Variants in CNTNAP2 observed in about 807,000 individuals in gnomAD.
The protein encoded by CNTNAP2 is contactin associated protein 2, also known as contactin-associated protein-like 2.
Under a neutral mutation model 155.2 loss-of-function variants are expected in CNTNAP2, and 98 were observed. The observed-to-expected ratio is 0.63, with a 90% confidence interval of 0.54 to 0.75. The LOEUF is 0.75. CNTNAP2 is among the 30% of genes least tolerant of loss of function. The probability of loss-of-function intolerance (pLI) is 0.00; values close to 1 mark genes in which losing one functional copy is unlikely to be tolerated. For missense variants in CNTNAP2, 1,727 were observed against 1,688.1 expected (o/e 1.02, Z -0.40); for synonymous variants, 651 against 631.2 (o/e 1.03, Z -0.47).
intron 2 of CNTNAP2, among the ~76,000 whole-genome samples, chr7:146,787,466 A>ACAGCTCTTAGG (rs1802594291): frequency 6.6e-6 from 1 of 151,980 alleles, no homozygotes; most frequent in Admixed American, 6.5e-5. Flanking sequence ...TTGCGGTGTT[A>ACAGCTCTTAGG]CAGCTCTTAA....
chr7:147,677,418 C>T (rs1795886749), intron 13 of CNTNAP2, among the ~76,000 whole-genome samples: 1 of 151,714 alleles, frequency 6.6e-6, no homozygotes, highest in South Asian at 2.1e-4. Context: ...ATATAAACCC[C>T]TTATCAGATG....
At chr7:147,485,483 A>G (rs995011868) in intron 10 of CNTNAP2, among the ~76,000 whole-genome samples, 6 of 152,170 alleles carry the variant, frequency 3.9e-5, no homozygotes, top group Admixed American at 3.3e-4. Context: ...TGCTGTTATC[A>G]TGACGTTATT....
At chr7:147,050,876 C>G (rs1282767476) in intron 4 of CNTNAP2, among the ~76,000 whole-genome samples, 1 of 152,054 alleles carries the variant, frequency 6.6e-6, no homozygotes, top group African/African-American at 2.4e-5. Context: ...TGTCCCTCGC[C>G]CATCTCCTGG....
intron 4 of CNTNAP2, among the ~76,000 whole-genome samples, chr7:147,053,962 C>A (rs1432121757): frequency 1.3e-5 from 2 of 152,094 alleles, no homozygotes; most frequent in African/African-American, 4.8e-5. Context: ...CTCTATTTTA[C>A]TAACGAGGAA....
chr7:146,178,194 C>T (rs1020612517), intron 1 of CNTNAP2, among the ~76,000 whole-genome samples: 7 of 151,910 alleles, frequency 4.6e-5, no homozygotes, highest in African/African-American at 9.7e-5. Context: ...CCACCATGCC[C>T]GGCTAATTTT....
At chr7:148,291,675 C>CAGTTAGTATTAA in intron 21 of CNTNAP2, among the ~76,000 whole-genome samples, 1 of 152,246 alleles carries the variant, frequency 6.6e-6, no homozygotes, top group Non-Finnish European at 1.5e-5. Context: ...ATCCTTCAGT[C>CAGTTAGTATTAA]CAATCAAGTT....
At chr7:147,177,043 A>G (rs901321181) in intron 8 of CNTNAP2, among the ~76,000 whole-genome samples, 15 of 145,182 alleles carry the variant, frequency 1.0e-4, no homozygotes, top group Non-Finnish European at 1.8e-4. Flanking sequence ...AATATATAAT[A>G]GAATTATATT....
chr7:147,831,321 C>A (rs1349426842), intron 13 of CNTNAP2, among the ~76,000 whole-genome samples: 1 of 152,202 alleles, frequency 6.6e-6, no homozygotes, highest in Non-Finnish European at 1.5e-5. Flanking sequence ...TTATATGCTA[C>A]TAACTATACC....
At chr7:146,707,093 T>G (rs1299131268) in intron 1 of CNTNAP2, among the ~76,000 whole-genome samples, 1 of 152,146 alleles carries the variant, frequency 6.6e-6, no homozygotes, top group African/African-American at 2.4e-5. Context: ...CATTCAATCA[T>G]TATTCTGTAC....
intron 11 of CNTNAP2, among the ~76,000 whole-genome samples, chr7:147,516,848 C>CTTTTTTTTTTTTTTTTT (rs1221666617): frequency 8.9e-6 from 1 of 112,622 alleles, no homozygotes; most frequent in Non-Finnish European, 1.8e-5. Context: ...TCTTTCTTTT[C>CTTTTTTTTTTTTTTTTT]TTTTTTTTTT....
At chr7:146,421,690 T>A (rs540326371) in intron 1 of CNTNAP2, among the ~76,000 whole-genome samples, 14 of 151,942 alleles carry the variant, frequency 9.2e-5, no homozygotes, top group Admixed American at 3.9e-4. Context: ...TCCACATTTA[T>A]TACAATATAG....
chr7:147,048,106 G>C (rs935174842), intron 4 of CNTNAP2, among the ~76,000 whole-genome samples: 1 of 124,488 alleles, frequency 8.0e-6, no homozygotes, highest in African/African-American at 3.2e-5. Context: ...ATGGAGTCTC[G>C]CTCTGTTGCT....
intron 2 of CNTNAP2, among the ~76,000 whole-genome samples, chr7:146,800,234 A>G (rs977479350): frequency 2.0e-5 from 3 of 152,126 alleles, no homozygotes; most frequent in Non-Finnish European, 2.9e-5. Flanking sequence ...CTAGACAGCT[A>G]CAATCAGATT....
At chr7:146,812,326 G>T (rs2129194037) in intron 2 of CNTNAP2, among the ~76,000 whole-genome samples, 2 of 151,966 alleles carry the variant, frequency 1.3e-5, no homozygotes, top group South Asian at 4.2e-4. Context: ...TTATGCTTTA[G>T]CAAAGAGACT....
At chr7:147,936,407 A>G (rs1800608990) in intron 14 of CNTNAP2, among the ~76,000 whole-genome samples, 1 of 152,124 alleles carries the variant, frequency 6.6e-6, no homozygotes, top group South Asian at 2.1e-4. Context: ...CTTAATCTGA[A>G]GACAGAGAAA....
intron 13 of CNTNAP2, among the ~76,000 whole-genome samples, chr7:147,862,400 A>G (rs1325080087): frequency 3.9e-5 from 1 of 25,378 alleles, no homozygotes; most frequent in African/African-American, 2.0e-4. Flanking sequence ...TAAATTTCCT[A>G]TAACATGCAT....
intron 10 of CNTNAP2, among the ~76,000 whole-genome samples, chr7:147,455,018 T>C (rs942266901): frequency 2.0e-5 from 3 of 152,162 alleles, no homozygotes; most frequent in African/African-American, 7.2e-5. Context: ...TTGCATTTTG[T>C]ATGCTTCTGA....
At chr7:148,296,926 C>T (rs1797296349) in intron 21 of CNTNAP2, among the ~76,000 whole-genome samples, 1 of 152,158 alleles carries the variant, frequency 6.6e-6, no homozygotes. Context: ...AACTCCTAGG[C>T]CCCTGAGCCA....
At chr7:147,653,393 A>T (rs1395048038) in intron 13 of CNTNAP2, among the ~76,000 whole-genome samples, 1 of 152,204 alleles carries the variant, frequency 6.6e-6, no homozygotes, top group Non-Finnish European at 1.5e-5. Flanking sequence ...AAAGATCAGA[A>T]ATCACCAGCT....
Sources: gnomAD v4.1 joint callset for allele counts (sites outside exome capture counted in the v4.1 genomes callset) on GRCh38, gnomAD v4.1.1 for gene constraint, MANE v1.5 for transcripts, NCBI Gene and HGNC (gene_info 2026-07-23, HGNC 2026-07-21) for gene names.